Variants in LRRTM4 observed in about 807,000 individuals in gnomAD.
The protein encoded by LRRTM4 is leucine rich repeat transmembrane neuronal 4.
A neutral mutation model predicts 47.6 loss-of-function variants in LRRTM4; 25 were observed. That is an observed-to-expected ratio of 0.53 (90% CI 0.38 to 0.73). The LOEUF (loss-of-function observed/expected upper bound fraction) is 0.73. Among genes scored for constraint, LRRTM4 ranks in the 30% least tolerant of loss-of-function variants. The pLI is 0.00. For missense variants in LRRTM4, 638 were observed against 713.4 expected (o/e 0.89, Z 1.20); for synonymous variants, 311 against 269.5 (o/e 1.15, Z -1.51).
chr2:77,052,327 C>G (rs1045928467), intron 3 of LRRTM4, among the ~76,000 whole-genome samples: 3 of 151,656 alleles, frequency 2.0e-5, no homozygotes, highest in African/African-American at 4.8e-5. Flanking sequence ...TGCCACCACG[C>G]CTGGCTAGTT....
At chr2:77,311,181 G>C (rs1475955917) in intron 3 of LRRTM4, among the ~76,000 whole-genome samples, 1 of 152,080 alleles carries the variant, frequency 6.6e-6, no homozygotes, top group Non-Finnish European at 1.5e-5. Flanking sequence ...CTTAGGTCTT[G>C]AAGTGCAAAG....
intron 3 of LRRTM4, among the ~76,000 whole-genome samples, chr2:76,954,922 A>G (rs975867230): frequency 6.6e-6 from 1 of 151,732 alleles, no homozygotes; most frequent in Admixed American, 6.6e-5. Context: ...GGGACAAAAC[A>G]AAAACAAAAA....
At chr2:77,243,777 T>C (rs532751867) in intron 3 of LRRTM4, among the ~76,000 whole-genome samples, 1 of 151,470 alleles carries the variant, frequency 6.6e-6, no homozygotes, top group South Asian at 2.1e-4. Flanking sequence ...TTTTTCCTTT[T>C]TTTTTATTAT....
At chr2:76,971,864 A>C (rs1366000998) in intron 3 of LRRTM4, among the ~76,000 whole-genome samples, 1 of 152,082 alleles carries the variant, frequency 6.6e-6, no homozygotes, top group Non-Finnish European at 1.5e-5. Context: ...CAACATCTAT[A>C]ACGTTTAAAT....
At chr2:77,475,803 C>A (rs1212499115) in intron 3 of LRRTM4, among the ~76,000 whole-genome samples, 22 of 151,424 alleles carry the variant, frequency 1.5e-4, no homozygotes, top group Non-Finnish European at 1.5e-5. Flanking sequence ...ACTTCACATG[C>A]TTTTCATTTA....
chr2:76,831,268 A>G (rs987579688), intron 3 of LRRTM4, among the ~76,000 whole-genome samples: 1 of 152,200 alleles, frequency 6.6e-6, no homozygotes, highest in Non-Finnish European at 1.5e-5. Flanking sequence ...ATACATATAG[A>G]CTTTGCAACT....
intron 3 of LRRTM4, among the ~76,000 whole-genome samples, chr2:77,095,982 T>C (rs1670801385): frequency 1.3e-5 from 2 of 152,118 alleles, no homozygotes; most frequent in South Asian, 4.1e-4. Context: ...TTAATAATAA[T>C]GTATTCTATA....
chr2:77,322,948 C>T (rs940679611), intron 3 of LRRTM4, among the ~76,000 whole-genome samples: 10 of 151,546 alleles, frequency 6.6e-5, no homozygotes, highest in African/African-American at 2.4e-4. Flanking sequence ...GTAATAAAAA[C>T]ACTACAATAG....
chr2:76,821,883 T>C (rs1428802457), intron 3 of LRRTM4, among the ~76,000 whole-genome samples: 1 of 151,616 alleles, frequency 6.6e-6, no homozygotes, highest in Non-Finnish European at 1.5e-5. Context: ...TCTCTCCCTG[T>C]TCCTCCTGGG....
At chr2:76,911,864 G>T (rs929537386) in intron 3 of LRRTM4, among the ~76,000 whole-genome samples, 1 of 147,704 alleles carries the variant, frequency 6.8e-6, no homozygotes, top group Non-Finnish European at 1.5e-5. Context: ...CTGTGTGTGT[G>T]TGTGTAGCTT....
intron 3 of LRRTM4, among the ~76,000 whole-genome samples, chr2:77,502,877 A>C (rs971964097): frequency 6.6e-6 from 1 of 151,614 alleles, no homozygotes; most frequent in East Asian, 1.9e-4. Flanking sequence ...GGTGAATAGT[A>C]ATCTAGGGCC....
intron 3 of LRRTM4, among the ~76,000 whole-genome samples, chr2:77,476,100 A>G (rs955222454): frequency 3.3e-5 from 5 of 152,080 alleles, no homozygotes; most frequent in African/African-American, 1.2e-4. Flanking sequence ...AGAAAATTTA[A>G]TGAAAGCAAT....
chr2:77,205,662 A>G (rs145902739), intron 3 of LRRTM4, among the ~76,000 whole-genome samples: 2 of 152,266 alleles, frequency 1.3e-5, no homozygotes, highest in East Asian at 3.9e-4. Flanking sequence ...GAGCACATTC[A>G]CAGTCTGTAT....
chr2:77,264,282 A>G (rs1389921362), intron 3 of LRRTM4, among the ~76,000 whole-genome samples: 1 of 152,070 alleles, frequency 6.6e-6, no homozygotes, highest in African/African-American at 2.4e-5. Flanking sequence ...GCCTTTCCTC[A>G]GTGCTTATGC....
At chr2:76,922,425 T>C (rs78192797) in intron 3 of LRRTM4, among the ~76,000 whole-genome samples, 2 of 151,976 alleles carry the variant, frequency 1.3e-5, no homozygotes, top group Admixed American at 6.6e-5. Flanking sequence ...TCAGATCTTA[T>C]GAGAACTCAC....
chr2:77,244,273 T>A (rs1456566710), intron 3 of LRRTM4, among the ~76,000 whole-genome samples: 1 of 145,060 alleles, frequency 6.9e-6, no homozygotes, highest in Non-Finnish European at 1.5e-5. Context: ...TATAGTCCTT[T>A]GGGTATATAC....
intron 3 of LRRTM4, among the ~76,000 whole-genome samples, chr2:77,436,984 A>T (rs923242252): frequency 1.3e-5 from 2 of 151,934 alleles, no homozygotes; most frequent in African/African-American, 4.8e-5. Context: ...AATATAAATA[A>T]CTTATCTATA....
chr2:77,235,177 G>A (rs1675070109), intron 3 of LRRTM4, among the ~76,000 whole-genome samples: 1 of 152,026 alleles, frequency 6.6e-6, no homozygotes, highest in Non-Finnish European at 1.5e-5. Flanking sequence ...ATTGTGAATA[G>A]TGCCACAATG....
chr2:77,505,092 A>G (rs1474811308), intron 3 of LRRTM4, among the ~76,000 whole-genome samples: 1 of 151,306 alleles, frequency 6.6e-6, no homozygotes, highest in Non-Finnish European at 1.5e-5. Flanking sequence ...CTTTTTATTT[A>G]AGAGATAATT....
Sources: gnomAD v4.1 joint callset for allele counts (sites outside exome capture counted in the v4.1 genomes callset) on GRCh38, gnomAD v4.1.1 for gene constraint, MANE v1.5 for transcripts, NCBI Gene and HGNC (gene_info 2026-07-23, HGNC 2026-07-21) for gene names.